SLC16A10: variants seen among roughly 807,000 people sequenced by gnomAD.
SLC16A10 encodes solute carrier family 16 member 10, also known as monocarboxylate transporter 10.
SLC16A10 carries 27 observed loss-of-function variants against 40.0 expected under a neutral mutation model. That is an observed-to-expected ratio of 0.67 (90% CI 0.50 to 0.93). The LOEUF is 0.93. SLC16A10 is among the 40% of genes least tolerant of loss of function. The pLI, the probability that SLC16A10 is intolerant of heterozygous loss-of-function variation, is 0.00. For synonymous variants in SLC16A10, 213 were observed against 249.8 expected (o/e 0.85, Z 1.39); for missense variants, 529 against 658.2 (o/e 0.80, Z 2.15).
At chr6:111,119,996 A>G (rs1409264433) in intron 1 of SLC16A10, among the ~76,000 whole-genome samples, 1 of 152,240 alleles carries the variant, frequency 6.6e-6, no homozygotes, top group Non-Finnish European at 1.5e-5. Flanking sequence ...ATTAAGTAGT[A>G]TTAATGGGGA....
chr6:111,118,819 A>T (rs907757877), intron 1 of SLC16A10, among the ~76,000 whole-genome samples: 1 of 152,110 alleles, frequency 6.6e-6, no homozygotes, highest in African/African-American at 2.4e-5. Flanking sequence ...TTCCTGCCAC[A>T]CACAACCAGA....
chr6:111,102,373 G>A (rs1054167638), intron 1 of SLC16A10, among the ~76,000 whole-genome samples: 1 of 152,308 alleles, frequency 6.6e-6, no homozygotes, highest in African/African-American at 2.4e-5. Flanking sequence ...AATTTGATAA[G>A]TACTAATGAT....
chr6:111,219,809 G>C (rs1031445399), intron 5 of SLC16A10, among the ~76,000 whole-genome samples: 3 of 152,154 alleles, frequency 2.0e-5, no homozygotes, highest in Non-Finnish European at 2.9e-5. Flanking sequence ...GCTGGGCATG[G>C]TGGCTCACAC....
Position 111,223,943 on chromosome 6 carries a change from T to TAA in SLC16A10, c.*1718_*1719dup. The TAA allele has an allele frequency of 6.8e-6, 1 of 146,238 alleles. No individual in the cohort carries two copies. The highest frequency in any genetic ancestry group is 1.5e-5 in the Non-Finnish European group (1 of 66,186). The allele number at this position is 146,238 out of a possible 1,614,324, so 9.1% of individuals were successfully genotyped here. A position where few individuals can be genotyped will look rare whatever the true frequency, so the allele number is the denominator to read the frequency against. On this transcript the variant is annotated 3_prime_UTR_variant, in exon 6 of 6. Coordinates refer to ENST00000368851, the MANE Select transcript of SLC16A10 (RefSeq NM_018593.5). ...AGCAAGATCCTGTCTCTACTAAAAA[T>TAA]AAAAAAAAAAATTAGGCCAAGCATA...
chr6:111,118,896 A>G (rs776619414), intron 1 of SLC16A10, among the ~76,000 whole-genome samples: 12 of 152,164 alleles, frequency 7.9e-5, no homozygotes, highest in Non-Finnish European at 7.4e-5. Flanking sequence ...CAGGATCCTC[A>G]GGAAGACAAA....
At chr6:111,216,849 G>A (rs911311480) in intron 4 of SLC16A10, among the ~76,000 whole-genome samples, 7 of 152,164 alleles carry the variant, frequency 4.6e-5, no homozygotes, top group Non-Finnish European at 1.0e-4. Flanking sequence ...GTTTTCAGGA[G>A]CATGTTTCCT....
chr6:111,169,525 T>A (rs1772542932), intron 1 of SLC16A10, among the ~76,000 whole-genome samples: 1 of 152,230 alleles, frequency 6.6e-6, no homozygotes, highest in African/African-American at 2.4e-5. Flanking sequence ...CTTGGAAAGA[T>A]CCGACAGCTA....
At chr6:111,116,579 G>T (rs1771491374) in intron 1 of SLC16A10, among the ~76,000 whole-genome samples, 1 of 152,182 alleles carries the variant, frequency 6.6e-6, no homozygotes, top group Non-Finnish European at 1.5e-5. Flanking sequence ...GTTAAATGCT[G>T]ATGACCTACT....
Position 111,230,243 on chromosome 6 carries a change from G to A in SLC16A10, c.*8008G>A, listed in dbSNP as rs1273442571. The A allele has an allele frequency of 2.0e-5, 3 of 151,952 alleles. No homozygotes were observed. The highest frequency in any genetic ancestry group is 1.9e-4 in the East Asian group (1 of 5,172). 9.4% of individuals were successfully genotyped at this position (151,952 alleles called of 1,614,324 possible). A position where few individuals can be genotyped will look rare whatever the true frequency, so the allele number is the denominator to read the frequency against. On this transcript the variant is annotated 3_prime_UTR_variant, in exon 6 of 6. Transcript: ENST00000368851. ...CCTGCCTCAGCCTCCCCAAGTGCTG[G>A]AATTACAGGCATGAGCCACCATGCC...
At chr6:111,132,893 G>T (rs901850926) in intron 1 of SLC16A10, among the ~76,000 whole-genome samples, 4 of 152,100 alleles carry the variant, frequency 2.6e-5, no homozygotes, top group African/African-American at 9.7e-5. Context: ...CCTAATAATT[G>T]GTCTGCTCAA....
chr6:111,202,979 C>T (rs1773196757), intron 3 of SLC16A10, among the ~76,000 whole-genome samples: 1 of 148,402 alleles, frequency 6.7e-6, no homozygotes, highest in African/African-American at 2.5e-5. Flanking sequence ...TTAAAGTTAA[C>T]TTTAAACAAC....
intron 4 of SLC16A10, among the ~76,000 whole-genome samples, chr6:111,209,836 A>C (rs1015747576): frequency 1.3e-5 from 2 of 152,168 alleles, no homozygotes; most frequent in African/African-American, 4.8e-5. Context: ...GCTTACAGAG[A>C]ATGGTTTCTA....
At chr6:111,098,401 TTAAAA>T (rs1236391575) in intron 1 of SLC16A10, among the ~76,000 whole-genome samples, 1 of 152,178 alleles carries the variant, frequency 6.6e-6, no homozygotes, top group Non-Finnish European at 1.5e-5. Context: ...CTACTTTTAA[TTAAAA>T]TAAAATTAAC....
intron 1 of SLC16A10, among the ~76,000 whole-genome samples, chr6:111,168,125 A>T (rs1309296455): frequency 6.6e-6 from 1 of 151,730 alleles, no homozygotes; most frequent in Non-Finnish European, 1.5e-5. Flanking sequence ...GATTACAGGC[A>T]CCCGCCACCA....
At position 111,230,068 on chromosome 6, in the gene SLC16A10, A is replaced by G. The variant is rs1490956564; in HGVS notation, c.*7833A>G. The G allele has an allele frequency of 7.7e-6, 1 of 129,328 alleles. No individual in the cohort carries two copies. The highest frequency in any genetic ancestry group is 2.3e-4 in the East Asian group (1 of 4,374). The allele number at this position is 129,328 out of a possible 1,614,324, so 8.0% of individuals were successfully genotyped here. A position where few individuals can be genotyped will look rare whatever the true frequency, so the allele number is the denominator to read the frequency against. Reference sequence around the variant, plus strand: ...TAGTGGCGCGATCTCAGCTCACTGCAACCTCCGCCTCCCGGGCTCAAGTGA... The same window carrying G: ...TAGTGGCGCGATCTCAGCTCACTGCGACCTCCGCCTCCCGGGCTCAAGTGA... On this transcript the variant is annotated 3_prime_UTR_variant, in exon 6 of 6. Coordinates refer to ENST00000368851, the MANE Select transcript of SLC16A10 (RefSeq NM_018593.5).
Position 111,177,205 on chromosome 6 carries a change from T to A in SLC16A10, c.489-7T>A, listed in dbSNP as rs768517812. ...AGCTGCTTTCCATCTTTTTCATCTT[T>A]ATACAGTTCCATCGAGCCTCTGTAC... On this transcript the variant is annotated splice_polypyrimidine_tract_variant and splice_region_variant and intron_variant, in intron 2 of 5. Transcript: ENST00000368851. The A allele has an allele frequency of 6.7e-7, 1 of 1,490,910 alleles. No individual in the cohort carries two copies. The highest frequency in any genetic ancestry group is 2.3e-5 in the Admixed American group (1 of 43,806). The allele number at this position is 1,490,910 out of a possible 1,614,324, so 92.4% of individuals were successfully genotyped here. A position where few individuals can be genotyped will look rare whatever the true frequency, so the allele number is the denominator to read the frequency against.
intron 4 of SLC16A10, among the ~76,000 whole-genome samples, chr6:111,207,550 A>G (rs1395282939): frequency 6.6e-6 from 1 of 152,210 alleles, no homozygotes; most frequent in African/African-American, 2.4e-5. Context: ...CTCACCTAGT[A>G]GCTAATGGTC....
At chr6:111,208,216 C>T (rs1216646430) in intron 4 of SLC16A10, among the ~76,000 whole-genome samples, 1 of 152,098 alleles carries the variant, frequency 6.6e-6, no homozygotes, top group Admixed American at 6.5e-5. Context: ...TGGACTCCAA[C>T]GATCCACCCA....
intron 1 of SLC16A10, among the ~76,000 whole-genome samples, chr6:111,093,431 T>TG (rs1771019463): frequency 6.6e-6 from 1 of 152,194 alleles, no homozygotes; most frequent in Non-Finnish European, 1.5e-5. Flanking sequence ...CCATGTATCT[T>TG]GCTAGCCCCT....
Sources: allele counts gnomAD v4.1 joint callset (sites outside exome capture counted in the v4.1 genomes callset), GRCh38; gene constraint gnomAD v4.1.1; transcripts MANE v1.5; gene names NCBI Gene and HGNC (gene_info 2026-07-23, HGNC 2026-07-21).